XRCC4: variants seen among roughly 807,000 people sequenced by gnomAD.
The protein encoded by XRCC4 is X-ray repair cross complementing 4.
A neutral mutation model predicts 39.1 loss-of-function variants in XRCC4; 28 were observed. That is an observed-to-expected ratio of 0.72 (90% confidence interval 0.53 to 0.98). The LOEUF is 0.98. XRCC4 is among the 50% of genes least tolerant of loss of function. XRCC4 has a pLI of 0.00. For missense variants in XRCC4, 350 were observed against 376.4 expected, an observed-to-expected ratio of 0.93 and a Z score of 0.58; for synonymous variants, 123 against 126.4, an observed-to-expected ratio of 0.97 and a Z score of 0.18.
intron 3 of XRCC4, among the ~76,000 whole-genome samples, chr5:83,120,344 T>C (rs1441252480): frequency 6.6e-6 from 1 of 152,150 alleles, no homozygotes; most frequent in East Asian, 1.9e-4. Context: ...TTACAAACAA[T>C]TAAATGTACT....
chr5:83,239,757 A>T (rs929512501), intron 6 of XRCC4, among the ~76,000 whole-genome samples: 1 of 151,946 alleles, frequency 6.6e-6, no homozygotes, highest in Admixed American at 6.5e-5. Flanking sequence ...TGAACCCAGG[A>T]GGCGGAGCTT....
chr5:83,112,612 G>C (rs1037888616), intron 3 of XRCC4, among the ~76,000 whole-genome samples: 4 of 152,138 alleles, frequency 2.6e-5, no homozygotes, highest in African/African-American at 7.2e-5. Flanking sequence ...ACCCAAGGCT[G>C]GGTAATTTAT....
chr5:83,201,483 G>A (rs1751195302), intron 4 of XRCC4: 2 of 152,260 alleles, frequency 1.3e-5, no homozygotes, highest in East Asian at 3.9e-4. Flanking sequence ...GCATCCACAA[G>A]AAGATGGCCT....
downstream of XRCC4, among the ~76,000 whole-genome samples, chr5:83,355,865 T>A (rs1408474531): frequency 6.6e-6 from 1 of 152,172 alleles, no homozygotes; most frequent in Admixed American, 6.5e-5. Flanking sequence ...CTCAACCTCC[T>A]AACCTCAAGT....
At chr5:83,310,804 G>C (rs1406237084) in intron 7 of XRCC4, 1 of 456,642 alleles carries the variant, frequency 2.2e-6, no homozygotes, top group Non-Finnish European at 4.4e-6. Flanking sequence ...GGAAGAAGGA[G>C]ACTTCAGAGA....
chr5:83,184,039 A>AT (rs1378522402), intron 3 of XRCC4, among the ~76,000 whole-genome samples: 6 of 152,126 alleles, frequency 3.9e-5, no homozygotes, highest in African/African-American at 1.4e-4. Flanking sequence ...GAAGTTTGGC[A>AT]TTAAATCGTA....
At chr5:83,217,836 C>T (rs1223470602) in intron 6 of XRCC4, among the ~76,000 whole-genome samples, 1 of 152,078 alleles carries the variant, frequency 6.6e-6, no homozygotes, top group African/African-American at 2.4e-5. Flanking sequence ...AGGTATAACA[C>T]TTGTTCTGCC....
At chr5:83,195,992 T>C in intron 4 of XRCC4, 56 bp downstream of exon 4, 1 of 1,462,836 alleles carries the variant, frequency 6.8e-7, no homozygotes, top group Non-Finnish European at 9.1e-7. Context: ...TATGTTGTTA[T>C]AGCTTTAAGT....
chr5:83,144,145 G>A (rs1299901496), intron 3 of XRCC4, among the ~76,000 whole-genome samples: 1 of 152,046 alleles, frequency 6.6e-6, no homozygotes, highest in Non-Finnish European at 1.5e-5. Context: ...TTGTAAGTGA[G>A]AACATGAAGT....
chr5:83,343,940 T>C (rs992062406), intron 7 of XRCC4, among the ~76,000 whole-genome samples: 6 of 152,170 alleles, frequency 3.9e-5, no homozygotes, highest in Non-Finnish European at 7.4e-5. Flanking sequence ...CTGAAGTCTT[T>C]ATGCCTAATA....
At chr5:83,191,758 A>T (rs1424134757) in intron 3 of XRCC4, among the ~76,000 whole-genome samples, 1 of 152,188 alleles carries the variant, frequency 6.6e-6, no homozygotes, top group Non-Finnish European at 1.5e-5. Flanking sequence ...GCCTGCTGTC[A>T]TCCGTGTAAG....
chr5:83,104,106 A>G (rs1356012682), intron 1 of XRCC4, among the ~76,000 whole-genome samples: 1 of 152,196 alleles, frequency 6.6e-6, no homozygotes, highest in Non-Finnish European at 1.5e-5. Flanking sequence ...TCAGGCTGTG[A>G]TAATCTGATG....
At chr5:83,082,670 A>T (rs760756093) in intron 1 of XRCC4, among the ~76,000 whole-genome samples, 82 of 152,262 alleles carry the variant, frequency 5.4e-4, no homozygotes, top group Non-Finnish European at 1.1e-3. Context: ...CCTGTGGCCT[A>T]TGATGGCTTT....
At chr5:83,114,133 C>T (rs376301533) in intron 3 of XRCC4, among the ~76,000 whole-genome samples, 21 of 148,356 alleles carry the variant, frequency 1.4e-4, no homozygotes, top group African/African-American at 4.8e-4. Flanking sequence ...CTAGGCTGCA[C>T]GCTGCAATGG....
In XRCC4 at chr5:83,170,141, G is replaced by A. The variant is rs1363595679; in HGVS notation, c.316-25629G>A. Among the ~76,000 whole-genome samples the A allele has an allele frequency of 4.6e-5, 7 of 152,048 alleles. No homozygotes were observed. The East Asian group carries it at 1.4e-3, about 29-fold the overall frequency. The stretch of plus-strand genomic sequence containing the variant: ...TCAGGAATGACATGGCATTTTTCAT[G>A]TTTGTTAACTACCAATAACATACTT... On this transcript the variant is annotated intron_variant, in intron 3 of 7. Transcript: ENST00000396027.
chr5:83,304,781 G>A lies in XRCC4; in HGVS notation c.893+46104G>A, dbSNP rs185675707. Among the ~76,000 whole-genome samples, 178 of 151,984 alleles carry A rather than the reference G, an allele frequency of 1.2e-3. 2 individuals are homozygous for A. Among genetic ancestry groups the A allele is most frequent in the Middle Eastern group, 6.8e-3 (2 of 294 alleles). On this transcript the variant is annotated intron_variant, in intron 7 of 7. Transcript: ENST00000396027. ...CTGCAATCTAATTCTGTATTTAGTTGGATAGGACTAATTTGCTTTGTTTCT... is the reference window on the plus strand; with the variant it reads ...CTGCAATCTAATTCTGTATTTAGTTAGATAGGACTAATTTGCTTTGTTTCT...
intron 3 of XRCC4, among the ~76,000 whole-genome samples, chr5:83,163,139 G>A (rs75284908): frequency 0.063 from 9,539 of 151,644 alleles, 1,002 homozygotes; most frequent in East Asian, 0.48. Context: ...TAAAGACGGG[G>A]TTTCACCATT....
At chr5:83,292,718 A>G (rs992551815) in intron 7 of XRCC4, among the ~76,000 whole-genome samples, 3 of 149,488 alleles carry the variant, frequency 2.0e-5, no homozygotes, top group Non-Finnish European at 4.4e-5. Context: ...TACACAAGAA[A>G]CTCTTTTTCT....
At chr5:83,087,507 A>G (rs1561315720) in intron 1 of XRCC4, among the ~76,000 whole-genome samples, 1 of 151,638 alleles carries the variant, frequency 6.6e-6, no homozygotes, top group Non-Finnish European at 1.5e-5. Flanking sequence ...TACTAAAAAT[A>G]CAAAAATCAG....
Sources: gnomAD v4.1 joint callset for allele counts (sites outside exome capture counted in the v4.1 genomes callset) on GRCh38, gnomAD v4.1.1 for gene constraint, MANE v1.5 for transcripts, NCBI Gene and HGNC (gene_info 2026-07-23, HGNC 2026-07-21) for gene names.